The following PPP6R2 variants were observed in gnomAD, a reference collection of about 807,000 sequenced individuals.
The protein encoded by PPP6R2 is serine/threonine-protein phosphatase 6 regulatory subunit 2.
Under a neutral mutation model 100.2 loss-of-function variants are expected in PPP6R2, and 62 were observed. That is an observed-to-expected ratio of 0.62 (90% confidence interval 0.50 to 0.76). The LOEUF is 0.76. PPP6R2 is among the 30% of genes least tolerant of loss of function. The pLI, the probability that PPP6R2 is intolerant of heterozygous loss-of-function variation, is 0.00. For synonymous variants in PPP6R2, 525 were observed against 514.7 expected (o/e 1.02, Z -0.27); for missense variants, 1,142 against 1,276.3 (o/e 0.89, Z 1.60).
At chr22:50,404,557 A>G (rs1489935079) in intron 3 of PPP6R2, among the ~76,000 whole-genome samples, 1 of 149,564 alleles carries the variant, frequency 6.7e-6, no homozygotes, top group African/African-American at 2.5e-5. Context: ...CTGAGACCAC[A>G]GGCATGTGCC....
At chr22:50,396,134 T>A (rs533807706) in intron 3 of PPP6R2, among the ~76,000 whole-genome samples, 82 of 144,510 alleles carry the variant, frequency 5.7e-4, no homozygotes, top group African/African-American at 1.9e-3. Flanking sequence ...AGGTGGAGGT[T>A]GCAGTGAGCT....
In PPP6R2 at chr22:50,372,164, C is replaced by A. The variant is rs1376817079; in HGVS notation, c.-17+14C>A. The A allele has an allele frequency of 6.6e-6, 1 of 152,090 alleles. No homozygotes were observed. Among genetic ancestry groups the A allele is most frequent in the East Asian group, 1.9e-4 (1 of 5,204 alleles). 9.4% of individuals were successfully genotyped at this position (152,090 alleles called of 1,614,324 possible). ...TTTCCACAGAAGGTAAGATAAGTTT[C>A]TTTTTCAATTTGATTCTGTTTTATT... On this transcript the variant is annotated intron_variant, in intron 2 of 23. Transcript: ENST00000612753.
At chr22:50,338,840 G>T (rs1427696201), upstream of PPP6R2, among the ~76,000 whole-genome samples, 2 of 143,660 alleles carry the variant, frequency 1.4e-5, no homozygotes, top group African/African-American at 5.2e-5. Flanking sequence ...TGTGGTGTGT[G>T]TGTGGTGTGT....
chr22:50,395,403 GCTC>G (rs1002148965), intron 3 of PPP6R2, among the ~76,000 whole-genome samples: 6 of 152,086 alleles, frequency 3.9e-5, no homozygotes, highest in African/African-American at 9.7e-5. Flanking sequence ...CTGGCCTCCA[GCTC>G]CTCATGGTGC....
intron 2 of PPP6R2, among the ~76,000 whole-genome samples, chr22:50,386,655 G>A (rs374669742): frequency 1.0e-3 from 156 of 152,208 alleles, no homozygotes; most frequent in African/African-American, 3.1e-3. Context: ...GCTTCCACTC[G>A]TGGATCTAGA....
At chr22:50,347,380 T>A (rs2044021350) in intron 1 of PPP6R2, among the ~76,000 whole-genome samples, 1 of 151,904 alleles carries the variant, frequency 6.6e-6, no homozygotes, top group Non-Finnish European at 1.5e-5. Context: ...CCTAACCCTT[T>A]CCAACACTAC....
At chr22:50,439,910 C>T (rs1325949545) in intron 20 of PPP6R2, 51 bp from the exon 21 acceptor site, 2 of 1,607,338 alleles carry the variant, frequency 1.2e-6, no homozygotes, top group East Asian at 2.2e-5. Flanking sequence ...CTGTCAGGGC[C>T]AGGAGGCACC....
intron 2 of PPP6R2, among the ~76,000 whole-genome samples, chr22:50,373,756 C>G (rs2050824299): frequency 6.6e-6 from 1 of 151,778 alleles, no homozygotes; most frequent in Non-Finnish European, 1.5e-5. Context: ...TTTTGTGAGA[C>G]AGAGTCTTGC....
At chr22:50,343,041 G>C (rs1034131685), upstream of PPP6R2, among the ~76,000 whole-genome samples, 1 of 152,194 alleles carries the variant, frequency 6.6e-6, no homozygotes, top group African/African-American at 2.4e-5. Flanking sequence ...GGATTGTTTT[G>C]TGGCTACAAC....
intron 1 of PPP6R2, among the ~76,000 whole-genome samples, chr22:50,355,652 C>G (rs960191827): frequency 5.9e-5 from 9 of 151,532 alleles, no homozygotes; most frequent in African/African-American, 2.2e-4. Flanking sequence ...TCCTGAGTAC[C>G]TGGGACTACA....
intron 1 of PPP6R2, among the ~76,000 whole-genome samples, chr22:50,359,832 T>C (rs1569285503): frequency 6.6e-6 from 1 of 152,276 alleles, no homozygotes; most frequent in East Asian, 1.9e-4. Flanking sequence ...AAGGTAATAC[T>C]GGGACCCATA....
At position 50,444,299 on chromosome 22, in the gene PPP6R2, G is replaced by T. The variant is rs769653545; in HGVS notation, c.*52G>T. Reference sequence around the variant, plus strand: ...CCCTGGTCAGGCTGCCTCCTTAATCGAGAAAACTACCTGGTGATGCAATCT... The same window carrying T: ...CCCTGGTCAGGCTGCCTCCTTAATCTAGAAAACTACCTGGTGATGCAATCT... On this transcript the variant is annotated 3_prime_UTR_variant, in exon 24 of 24. Coordinates refer to ENST00000612753, the MANE Select transcript of PPP6R2 (RefSeq NM_001242898.2). 1.3e-6 allele frequency: 2 copies of T among 1,566,304 alleles called. No homozygotes were observed. Among genetic ancestry groups the T allele is most frequent in the Middle Eastern group, 1.7e-4 (1 of 5,956 alleles).
At chr22:50,351,037 T>TG (rs1569254700) in intron 1 of PPP6R2, among the ~76,000 whole-genome samples, 5 of 115,374 alleles carry the variant, frequency 4.3e-5, no homozygotes, top group African/African-American at 1.6e-4. Flanking sequence ...TTTTTTTTTT[T>TG]TTTTTTTTTT....
intron 2 of PPP6R2, among the ~76,000 whole-genome samples, chr22:50,387,773 G>A (rs1413908893): frequency 2.0e-5 from 3 of 152,300 alleles, no homozygotes; most frequent in African/African-American, 7.2e-5. Flanking sequence ...CGCGGCGCAC[G>A]CCCTCTGTGG....
chr22:50,432,859 G>A (rs536131957), intron 12 of PPP6R2, among the ~76,000 whole-genome samples: 1 of 152,352 alleles, frequency 6.6e-6, no homozygotes, highest in South Asian at 2.1e-4. Flanking sequence ...GGGTCTGAGT[G>A]CAGCTGTGGG....
rs1159919376 is a variant in PPP6R2 at position 50,425,803 on chromosome 22, T to C, written c.1125+2189T>C. The stretch of plus-strand genomic sequence containing the variant: ...GTGATGTCGAGCATCTTCTCGTGCT[T>C]TTTGGCCATGTGAATAGCTTCGTTG... On this transcript the variant is annotated intron_variant, in intron 10 of 23. Transcript: ENST00000612753. Among the ~76,000 whole-genome samples, 4 of 152,254 alleles carry C rather than the reference T, an allele frequency of 2.6e-5. No homozygotes were observed. In the East Asian group the frequency reaches 7.7e-4, roughly 29 times the overall value.
intron 4 of PPP6R2, among the ~76,000 whole-genome samples, chr22:50,410,679 C>T (rs1244266125): frequency 6.6e-6 from 1 of 150,620 alleles, no homozygotes; most frequent in African/African-American, 2.4e-5. Flanking sequence ...TTTTTCAAGC[C>T]CATAATGATC....
intron 10 of PPP6R2, among the ~76,000 whole-genome samples, chr22:50,428,564 A>T (rs1367947873): frequency 1.3e-5 from 2 of 152,112 alleles, no homozygotes; most frequent in Non-Finnish European, 2.9e-5. Flanking sequence ...AATAAGAATA[A>T]AAATTAGGCA....
chr22:50,397,649 C>G (rs2148969911), intron 3 of PPP6R2, among the ~76,000 whole-genome samples: 3 of 109,708 alleles, frequency 2.7e-5, no homozygotes, highest in Non-Finnish European at 3.4e-5. Context: ...CTTGTCATCT[C>G]TGAGCTTTTC....
Sources: allele counts gnomAD v4.1 joint callset (sites outside exome capture counted in the v4.1 genomes callset), GRCh38; gene constraint gnomAD v4.1.1; transcripts MANE v1.5; gene names NCBI Gene and HGNC (gene_info 2026-07-23, HGNC 2026-07-21).